The following MS4A2 variants were observed in gnomAD, a reference collection of about 807,000 sequenced individuals.
MS4A2 encodes the protein membrane spanning 4-domains A2.
A neutral mutation model predicts 27.9 loss-of-function variants in MS4A2; 26 were observed. The observed-to-expected ratio is 0.93, with a 90% CI of 0.68 to 1.29. MS4A2 has a LOEUF of 1.29. MS4A2 is among the 50% of genes most tolerant of loss of function. The pLI is 0.00. For missense variants in MS4A2, 284 were observed against 284.6 expected, an observed-to-expected ratio of 1.00 and a Z score of 0.01; for synonymous variants, 110 against 98.8, an observed-to-expected ratio of 1.11 and a Z score of -0.67.
In MS4A2 at chr11:60,088,738, A is replaced by C. The variant is rs765853147; in HGVS notation, c.-28A>C. On this transcript the variant is annotated 5_prime_UTR_variant, in exon 1 of 7. Coordinates refer to ENST00000278888, the MANE Select transcript of MS4A2 (RefSeq NM_000139.5). ...AAGTCTCAATATAATAATATTCTTT[A>C]TTCCTGGACAGCTCGGTTAATGAAA... The C allele has an allele frequency of 6.2e-7, 1 of 1,603,590 alleles. No individual in the cohort carries two copies. The highest frequency in any genetic ancestry group is 8.5e-7 in the Non-Finnish European group (1 of 1,173,460).
In MS4A2 at chr11:60,092,829, G is replaced by A. The variant is rs1423702360; in HGVS notation, c.359G>A (p.Arg120Lys). 1.2e-6 allele frequency: 2 copies of A among 1,613,772 alleles called. No individual in the cohort carries two copies. The highest frequency in any genetic ancestry group is 2.2e-5 in the East Asian group (1 of 44,860). The stretch of plus-strand genomic sequence containing the variant: ...GGAATGTTGTCAATTATATCTGAAA[G>A]GAGAAATGCAACATATCTGGTGAGT... ...ISGMLSIISE[R>K]RNATYLVRGS... Residue 120 changes from arginine (R) to lysine (K), a missense_variant, in exon 4 of 7, where the codon AGG (arginine) becomes AAG (lysine). Transcript: ENST00000278888.
chr11:60,092,326 A>T (rs1855776629), intron 3 of MS4A2, among the ~76,000 whole-genome samples: 1 of 144,360 alleles, frequency 6.9e-6, no homozygotes. Flanking sequence ...ATGGAGTCTC[A>T]CTCTTGTCGC....
intron 4 of MS4A2, 49 bp from the exon 5 acceptor site, chr11:60,093,351 T>G (rs1014280459): frequency 6.2e-7 from 1 of 1,612,774 alleles, no homozygotes; most frequent in Non-Finnish European, 8.5e-7. Flanking sequence ...GTTTATTGAA[T>G]GTGCCAGCAA....
At position 60,095,869 on chromosome 11, in the gene MS4A2, G is replaced by C. The variant is rs563970353; in HGVS notation, c.*213G>C. ...GATATGATAGACTCCTATTTTTCTT[G>C]TTTTATATTATGACCACACACATCT... is the stretch of plus-strand genomic sequence containing the variant. On this transcript the variant is annotated 3_prime_UTR_variant, in exon 7 of 7. Transcript: ENST00000278888. The C allele has an allele frequency of 4.1e-5, 23 of 563,002 alleles. No homozygotes were observed. The African/African-American group carries it at 4.2e-4, about 10-fold the overall frequency. 34.9% of individuals were successfully genotyped at this position (563,002 alleles called of 1,614,324 possible). A position where few individuals can be genotyped will look rare whatever the true frequency, so the allele number is the denominator to read the frequency against.
rs568412937 is a variant in MS4A2 at position 60,089,545 on chromosome 11, G to A, written c.57-147G>A. 5.2e-4 allele frequency: 563 copies of A among 1,081,158 alleles called. 9 individuals carry two copies. The South Asian group carries it at 7.1e-3, about 14-fold the overall frequency. 67.0% of individuals were successfully genotyped at this position (1,081,158 alleles called of 1,614,324 possible). A position where few individuals can be genotyped will look rare whatever the true frequency, so the allele number is the denominator to read the frequency against. On this transcript the variant is annotated intron_variant, in intron 1 of 6. Coordinates refer to ENST00000278888, the MANE Select transcript of MS4A2 (RefSeq NM_000139.5). ...TTGGTCAGTTACTTGGATGCTCTGA[G>A]CTTTAGTTTCTTGGTGATTACAATG...
chr11:60,093,473 A>C lies in MS4A2; in HGVS notation c.452A>C (p.Asn151Thr), dbSNP rs375576372. The change falls in exon 5 of 7, where the codon AAC becomes ACC. Residue 151 changes from asparagine to threonine, a missense_variant. Physicochemically the swap from Asn to Thr is moderately conservative, Grantham distance 65 (BLOSUM62 0). Coordinates refer to ENST00000278888, the MANE Select transcript of MS4A2 (RefSeq NM_000139.5). ...GGTGITILII[N>T]LKKSLAYIHI... ...ACGGGAATTACCATCCTGATCATCA[A>C]CCTGAAGAAGAGCTTGGCCTATATC... The C allele has an allele frequency of 1.9e-6, 3 of 1,614,078 alleles. No homozygotes were observed. The African/African-American group carries it at 4.0e-5, about 22-fold the overall frequency.
chr11:60,089,962 T>G (rs1020481066), intron 2 of MS4A2, 141 bp downstream of exon 2: 1 of 1,095,246 alleles, frequency 9.1e-7, no homozygotes, highest in Non-Finnish European at 1.3e-6. Flanking sequence ...GAGTTGACAC[T>G]AACTGGGTCC....
At chr11:60,090,200 T>C (rs377674878) in intron 2 of MS4A2, 136 bp from the exon 3 acceptor site, 7 of 915,266 alleles carry the variant, frequency 7.6e-6, no homozygotes, top group South Asian at 2.9e-5. Flanking sequence ...TCCTGGAAAA[T>C]CTTACGTGTG....
At chr11:60,088,597 T>C (rs948305570), upstream of MS4A2, 3 of 1,456,776 alleles carry the variant, frequency 2.1e-6, no homozygotes, top group African/African-American at 2.9e-5. Flanking sequence ...TTGATCTTAA[T>C]CAGCCAAGAA....
rs766668269 is a variant in MS4A2, at chr11:60,095,652, T to C, written c.731T>C (p.Leu244Ser). Residue 244 changes from leucine (L) to serine (S), a missense_variant, in exon 7 of 7, where the codon TTA becomes TCA. Leu to Ser is a moderately radical substitution (Grantham distance 145). Coordinates refer to ENST00000278888, the MANE Select transcript of MS4A2 (RefSeq NM_000139.5). Reference sequence around the variant, plus strand: ...GGGGAAATGTCTCCTCCCATTGATTTATAAGAATCACGTGTCCAGAACACT... The same window carrying C: ...GGGGAAATGTCTCCTCCCATTGATTCATAAGAATCACGTGTCCAGAACACT... ...DPGEMSPPIDL is the reference protein window; with the variant it reads ...DPGEMSPPIDS 6.3e-7 allele frequency: 1 copy of C among 1,597,348 alleles called. No individual in the cohort carries two copies. Among genetic ancestry groups the C allele is most frequent in the South Asian group, 1.1e-5 (1 of 90,754 alleles).
At chr11:60,094,667 G>C (rs1225132890) in intron 6 of MS4A2, among the ~76,000 whole-genome samples, 1 of 152,160 alleles carries the variant, frequency 6.6e-6, no homozygotes, top group African/African-American at 2.4e-5. Flanking sequence ...CTCTCCTCCA[G>C]GCTGGGCACG....
upstream of MS4A2, chr11:60,088,606 A>G: frequency 6.8e-7 from 1 of 1,478,078 alleles, no homozygotes; most frequent in South Asian, 1.4e-5. Context: ...ATCAGCCAAG[A>G]AACTTATCTG....
intron 2 of MS4A2, among the ~76,000 whole-genome samples, 160 bp from the exon 3 acceptor site, chr11:60,090,176 T>G (rs571162729): frequency 9.2e-5 from 14 of 152,198 alleles, no homozygotes; most frequent in Non-Finnish European, 1.9e-4. Context: ...TCAATTCTTA[T>G]AGTGGCTAGG....
chr11:60,090,610 A>T (rs1321816126), intron 3 of MS4A2, 140 bp downstream of exon 3: 45 of 741,548 alleles, frequency 6.1e-5, no homozygotes, highest in Non-Finnish European at 9.0e-5. Context: ...AGCATATATA[A>T]CATAGATATG....
Position 60,095,806 on chromosome 11 carries a change from C to A in MS4A2, c.*150C>A. The A allele has an allele frequency of 1.5e-6, 1 of 676,734 alleles. No homozygotes were observed. The highest frequency in any genetic ancestry group is 1.6e-5 in the South Asian group (1 of 61,248). 41.9% of individuals were successfully genotyped at this position (676,734 alleles called of 1,614,324 possible). ...GCCTGATAAGAATATTTTGTTTCTG[C>A]TGCTTCTGTCCACCTTAATATTCTC... On this transcript the variant is annotated 3_prime_UTR_variant, in exon 7 of 7. Transcript: ENST00000278888.
intron 4 of MS4A2, among the ~76,000 whole-genome samples, chr11:60,093,138 G>T (rs1855798015): frequency 6.6e-6 from 1 of 152,188 alleles, no homozygotes; most frequent in African/African-American, 2.4e-5. Flanking sequence ...ATATTCACAT[G>T]ATCAAATAAA....
chr11:60,090,122 AT>A lies in MS4A2; in HGVS notation c.187-213del, dbSNP rs1334872532. ...AACATGACTACGTACATAAAGGCGC[AT>A]GGAGAAAAGTATTGGCCTTCCATGC... is the stretch of plus-strand genomic sequence containing the variant. On this transcript the variant is annotated intron_variant, in intron 2 of 6. Transcript: ENST00000278888. Among the ~76,000 whole-genome samples the A allele has an allele frequency of 3.3e-5, 5 of 152,346 alleles. No individual in the cohort carries two copies. The South Asian group carries it at 1.0e-3, about 32-fold the overall frequency.
At chr11:60,090,596 T>C in intron 3 of MS4A2, 126 bp downstream of exon 3, 1 of 857,718 alleles carries the variant, frequency 1.2e-6, no homozygotes, top group East Asian at 2.8e-5. Flanking sequence ...ATAAATTATA[T>C]GTGAGCATAT....
At chr11:60,090,296 A>AT in intron 2 of MS4A2, 40 bp from the exon 3 acceptor site, 2 of 1,604,744 alleles carry the variant, frequency 1.2e-6, no homozygotes, top group South Asian at 1.1e-5. Context: ...TCTCGGGAAA[A>AT]TTTTTTTGAT....
Sources: gnomAD v4.1 joint callset for allele counts (sites outside exome capture counted in the v4.1 genomes callset) on GRCh38, gnomAD v4.1.1 for gene constraint, MANE v1.5 for transcripts, NCBI Gene and HGNC (gene_info 2026-07-23, HGNC 2026-07-21) for gene names.